PKD2L1: variants seen among roughly 807,000 people sequenced by gnomAD.
PKD2L1 encodes polycystin-2-like protein 1.
PKD2L1 carries 77 observed loss-of-function variants against 93.0 expected under a neutral mutation model. The ratio of observed to expected loss-of-function variants is 0.83; its 90% CI spans 0.69 to 1.00. PKD2L1 has a LOEUF of 1.00. PKD2L1 is among the 50% of genes least tolerant of loss of function. PKD2L1 has a pLI of 0.00. For synonymous variants in PKD2L1, 390 were observed against 388.0 expected (o/e 1.01, Z -0.06); for missense variants, 977 against 990.9 (o/e 0.99, Z 0.19).
At position 100,297,506 on chromosome 10, in the gene PKD2L1, G is replaced by A. The variant is rs765620148; in HGVS notation, c.832C>T (p.Arg278Ter). ...GGYYLDLPGS[R>*]QGSAEALRAL... ...CGGAGAGCCTCTGCACTACCCTGTC[G>A]GGATCCTGGAAGGTCCAGGTAGTAG... Residue 278 changes from arginine (R) to a stop codon, truncating the protein, a stop_gained, in exon 5 of 16, where the codon CGA becomes TGA. Coordinates refer to ENST00000318222, the MANE Select transcript of PKD2L1 (RefSeq NM_016112.3). LOFTEE classifies it high-confidence loss of function. The A allele has an allele frequency of 1.2e-5, 19 of 1,613,950 alleles. No homozygotes were observed. Among genetic ancestry groups the A allele is most frequent in the Middle Eastern group, 1.6e-4 (1 of 6,084 alleles).
chr10:100,290,628 G>C, intron 12 of PKD2L1, 109 bp from the exon 13 acceptor site: 1 of 695,502 alleles, frequency 1.4e-6, no homozygotes, highest in African/African-American at 1.8e-5. Context: ...TCAGGTCCTA[G>C]TTCTTGCTAT....
intron 2 of PKD2L1, among the ~76,000 whole-genome samples, chr10:100,305,139 T>A (rs1848768882): frequency 6.9e-6 from 1 of 145,740 alleles, no homozygotes. Context: ...TGAGATGGAG[T>A]CTCGCACTGT....
In PKD2L1 at chr10:100,297,052, G is replaced by C. The variant is rs61730887; in HGVS notation, c.1113C>G (p.Ile371Met). 2.5e-5 allele frequency: 40 copies of C among 1,613,990 alleles called. No individual in the cohort carries two copies. Among genetic ancestry groups the C allele is most frequent in the Non-Finnish European group, 2.1e-5 (25 of 1,179,958 alleles). The change falls in exon 6 of 16, where the codon ATC becomes ATG. Residue 371 changes from isoleucine (I) to methionine (M), a missense_variant. Ile to Met is a conservative substitution (Grantham distance 10). Transcript: ENST00000318222. The stretch of plus-strand genomic sequence containing the variant: ...GAAGCCGGTGAATGTGGAGCTCCAG[G>C]ATCTCTTCCACCACATAGTAGAAGA... ...VFIFYYVVEE[I>M]LELHIHRLRY...
At chr10:100,292,805 C>G in intron 11 of PKD2L1, 143 bp downstream of exon 11, 1 of 802,574 alleles carries the variant, frequency 1.2e-6, no homozygotes, top group East Asian at 2.5e-5. Flanking sequence ...GAGCGGAGAC[C>G]TACGGGCAAA....
At chr10:100,301,866 T>C (rs1848685387) in intron 2 of PKD2L1, among the ~76,000 whole-genome samples, 1 of 152,242 alleles carries the variant, frequency 6.6e-6, no homozygotes, top group Non-Finnish European at 1.5e-5. Flanking sequence ...TATGTTCTTC[T>C]GTCACGGCTT....
intron 2 of PKD2L1, among the ~76,000 whole-genome samples, chr10:100,316,774 A>C (rs943741724): frequency 2.6e-5 from 4 of 152,302 alleles, no homozygotes; most frequent in Non-Finnish European, 5.9e-5. Context: ...GGTTATATCT[A>C]TCAATCATTA....
chr10:100,323,047 A>G (rs570412507), intron 2 of PKD2L1, among the ~76,000 whole-genome samples: 15 of 152,288 alleles, frequency 9.8e-5, no homozygotes, highest in Admixed American at 2.6e-4. Context: ...AAATTATTCA[A>G]TAAAGGTTTG....
chr10:100,288,403 C>G lies in PKD2L1; in HGVS notation c.2411G>C (p.Arg804Thr). The change falls in exon 16 of 16, where the codon AGG becomes ACG. Residue 804 changes from arginine (R) to threonine (T), a missense_variant. Transcript: ENST00000318222. ...LSRGEIPTLQ[R>T]S ...TCCGGGAGTGCCTCACACTTAACTC[C>G]TCTGCAACGTTGGAATCTCACCACG... is the stretch of plus-strand genomic sequence containing the variant. The G allele has an allele frequency of 6.2e-7, 1 of 1,608,438 alleles. No individual in the cohort carries two copies.
intron 8 of PKD2L1, 56 bp downstream of exon 8, chr10:100,294,886 C>A: frequency 2.7e-6 from 4 of 1,490,418 alleles, no homozygotes; most frequent in Non-Finnish European, 3.7e-6. Context: ...GATACATACA[C>A]CCGTGGAGCT....
chr10:100,299,702 TG>T lies in PKD2L1; in HGVS notation c.365del (p.Thr122LysfsTer11), dbSNP rs766429343. ...VDICLLTYGM[T>X]SSSAYYYTKV... ...TGGTGTAGTAATAAGCACTGGAGCT[TG>T]TCATTCCATAGGTCACTAGAAAACA... On this transcript the variant is annotated frameshift_variant, in exon 3 of 16. Transcript: ENST00000318222. LOFTEE classifies it high-confidence loss of function. The T allele has an allele frequency of 6.2e-7, 1 of 1,613,752 alleles. No homozygotes were observed. Among genetic ancestry groups the T allele is most frequent in the Non-Finnish European group, 8.5e-7 (1 of 1,179,642 alleles).
chr10:100,317,881 C>T (rs550809474), intron 2 of PKD2L1, among the ~76,000 whole-genome samples: 13 of 152,158 alleles, frequency 8.5e-5, no homozygotes, highest in African/African-American at 2.2e-4. Flanking sequence ...AGTTCGAGAC[C>T]GGCCTGGCCA....
Position 100,298,786 on chromosome 10 carries a change from C to A in PKD2L1, c.507G>T (p.Leu169Phe). 1 of 1,613,518 alleles carries A rather than the reference C, an allele frequency of 6.2e-7. No individual in the cohort carries two copies. Among genetic ancestry groups the A allele is most frequent in the Non-Finnish European group, 8.5e-7 (1 of 1,179,976 alleles). The change falls in exon 4 of 16, where the codon TTG becomes TTT. Residue 169 changes from leucine to phenylalanine, a missense_variant. Physicochemically the swap from Leu to Phe is conservative, Grantham distance 22. Transcript: ENST00000318222. The part of the protein sequence containing the change: ...DFAQGPLLDS[L>F]YWTKWYNNQS... ...GGTTGTTGTACCATTTGGTCCAATA[C>A]AAACTGTCCAGTAGTGGGCCCTGGG...
chr10:100,294,613 A>C lies in PKD2L1; in HGVS notation c.1581T>G (p.Asn527Lys). The C allele has an allele frequency of 6.2e-7, 1 of 1,614,036 alleles. No homozygotes were observed. The highest frequency in any genetic ancestry group is 8.5e-7 in the Non-Finnish European group (1 of 1,179,966). The part of the protein sequence containing the change: ...FRIILGDFDY[N>K]AIDNANRILG... ...GGATGCGGTTGGCATTGTCGATAGC[A>C]TTGTAGTCAAAGTCCCCGAGGATTA... The change falls in exon 9 of 16, where the codon AAT becomes AAG. Residue 527 changes from asparagine to lysine, a missense_variant. Asn to Lys is a moderately conservative substitution (Grantham distance 94). Coordinates refer to ENST00000318222, the MANE Select transcript of PKD2L1 (RefSeq NM_016112.3).
rs1447864912 is a variant in PKD2L1 at position 100,329,727 on chromosome 10, A to G, written c.235+142T>C. 3 of 641,116 alleles carry G rather than the reference A, an allele frequency of 4.7e-6. No homozygotes were observed. In the African/African-American group the frequency reaches 5.5e-5, roughly 12 times the overall value. The allele number at this position is 641,116 out of a possible 1,614,324, so 39.7% of individuals were successfully genotyped here. On this transcript the variant is annotated intron_variant, in intron 1 of 15. Coordinates refer to ENST00000318222, the MANE Select transcript of PKD2L1 (RefSeq NM_016112.3). ...GTGTTCTGGGTCATGCAGCACTACC[A>G]TGGGCAATTCATACACCCCAAAGTG...
At position 100,321,888 on chromosome 10, in the gene PKD2L1, G is replaced by GAAGGAAGCAAGCA. The variant is rs1431520962; in HGVS notation, c.349+7322_349+7323insTGCTTGCTTCCTT. ...GCAGGCAGGCAGGCAGGGAGGGAGGGAGGGAGGGAAGGAAGCAAGGAAGGA... is the reference window on the plus strand; with the variant it reads ...GCAGGCAGGCAGGCAGGGAGGGAGGGAAGGAAGCAAGCAAGGGAGGGAAGGAAGCAAGGAAGGA... On this transcript the variant is annotated intron_variant, in intron 2 of 15. Coordinates refer to ENST00000318222, the MANE Select transcript of PKD2L1 (RefSeq NM_016112.3). Among the ~76,000 whole-genome samples, 4 of 25,940 alleles carry GAAGGAAGCAAGCA rather than the reference G, an allele frequency of 1.5e-4. 1 individual carries two copies. Among genetic ancestry groups the GAAGGAAGCAAGCA allele is most frequent in the Non-Finnish European group, 1.8e-4 (1 of 5,600 alleles). The allele number at this position is 25,940 out of a possible 152,430, so 17.0% of individuals were successfully genotyped here.
Position 100,295,984 on chromosome 10 carries a change from C to T in PKD2L1, c.1356+138G>A, listed in dbSNP as rs376351582. 1.1e-3 allele frequency: 747 copies of T among 686,870 alleles called. 1 individual carries two copies. Among genetic ancestry groups the T allele is most frequent in the Middle Eastern group, 3.5e-3 (11 of 3,180 alleles). 42.5% of individuals were successfully genotyped at this position (686,870 alleles called of 1,614,324 possible). A position where few individuals can be genotyped will look rare whatever the true frequency, so the allele number is the denominator to read the frequency against. ...TCAGGAGGTGGAGGTTGCAGTGAGC[C>T]AAGATCGCCCCCACTTCACTCCAGC... On this transcript the variant is annotated intron_variant, in intron 7 of 15. Transcript: ENST00000318222.
At chr10:100,297,734 G>A in intron 4 of PKD2L1, 128 bp from the exon 5 acceptor site, 3 of 595,888 alleles carry the variant, frequency 5.0e-6, no homozygotes, top group South Asian at 2.0e-5. Context: ...GTGTGTGTGT[G>A]TGTGTGTGTG....
intron 2 of PKD2L1, among the ~76,000 whole-genome samples, chr10:100,301,897 G>T (rs994037921): frequency 2.0e-5 from 3 of 152,066 alleles, no homozygotes; most frequent in African/African-American, 7.2e-5. Flanking sequence ...CTCCATTCGG[G>T]GTCCCTGACT....
chr10:100,293,269 T>C lies in PKD2L1; in HGVS notation c.1758+12A>G, dbSNP rs2134377923. 1 of 1,594,532 alleles carries C rather than the reference T, an allele frequency of 6.3e-7. No individual in the cohort carries two copies. Among genetic ancestry groups the C allele is most frequent in the South Asian group, 1.1e-5 (1 of 90,702 alleles). On this transcript the variant is annotated intron_variant, in intron 10 of 15. Transcript: ENST00000318222. ...GATGGAAATGTGTAGCTCAAGGAGA[T>C]TGAGCAATCACCTGTTTCAGGAGGT... is the stretch of plus-strand genomic sequence containing the variant.
Sources: gnomAD v4.1 joint callset for allele counts (sites outside exome capture counted in the v4.1 genomes callset) on GRCh38, gnomAD v4.1.1 for gene constraint, MANE v1.5 for transcripts, NCBI Gene and HGNC (gene_info 2026-07-23, HGNC 2026-07-21) for gene names.